LRP1B: variants seen among roughly 807,000 people sequenced by gnomAD.
LRP1B encodes LDL receptor related protein 1B.
LRP1B carries 217 observed loss-of-function variants against 556.6 expected under a neutral mutation model. The ratio of observed to expected loss-of-function variants is 0.39; its 90% CI spans 0.35 to 0.44. The LOEUF (loss-of-function observed/expected upper bound fraction) is 0.44, where lower values mean the gene tolerates loss of function less well. Among genes scored for constraint, LRP1B ranks in the 20% least tolerant of loss-of-function variants. The pLI is 1.00. For synonymous variants in LRP1B, 2,047 were observed against 1,865.8 expected (o/e 1.10, Z -2.50); for missense variants, 5,053 against 5,620.8 (o/e 0.90, Z 3.23).
At chr2:141,092,526 AG>A (rs1700194861) in intron 7 of LRP1B, among the ~76,000 whole-genome samples, 1 of 152,246 alleles carries the variant, frequency 6.6e-6, no homozygotes, top group Non-Finnish European at 1.5e-5. Context: ...AATCACCTAT[AG>A]CTGTTATTTA....
chr2:141,846,318 T>G (rs955774885), intron 1 of LRP1B, among the ~76,000 whole-genome samples: 4 of 151,598 alleles, frequency 2.6e-5, no homozygotes, highest in African/African-American at 7.3e-5. Context: ...ATATATATGA[T>G]AAATTAAAAA....
intron 2 of LRP1B, among the ~76,000 whole-genome samples, chr2:141,744,573 T>C (rs1423404999): frequency 6.6e-6 from 1 of 152,186 alleles, no homozygotes; most frequent in East Asian, 1.9e-4. Flanking sequence ...ATCTGTCCAA[T>C]GCTGAAAGTG....
At chr2:140,778,741 T>C (rs1559113616) in intron 32 of LRP1B, among the ~76,000 whole-genome samples, 1 of 152,180 alleles carries the variant, frequency 6.6e-6, no homozygotes, top group Non-Finnish European at 1.5e-5. Flanking sequence ...AAGAAGAATG[T>C]CTACAATCAT....
chr2:140,523,262 T>A (rs1690260680), intron 49 of LRP1B, among the ~76,000 whole-genome samples: 1 of 151,944 alleles, frequency 6.6e-6, no homozygotes, highest in Non-Finnish European at 1.5e-5. Context: ...TAAGTATGAT[T>A]CACTACATAA....
intron 84 of LRP1B, among the ~76,000 whole-genome samples, chr2:140,296,633 A>AAAT (rs34038489): frequency 0.9 from 136,907 of 151,988 alleles, 62,282 homozygotes; most frequent in Non-Finnish European, 0.96. Context: ...TGAAAAATTT[A>AAAT]AATATAGATA....
intron 35 of LRP1B, among the ~76,000 whole-genome samples, chr2:140,763,783 T>G (rs1410140160): frequency 6.6e-6 from 1 of 152,168 alleles, no homozygotes; most frequent in African/African-American, 2.4e-5. Flanking sequence ...CAGGTAGTAT[T>G]GATAAGTTTT....
intron 84 of LRP1B, among the ~76,000 whole-genome samples, chr2:140,286,875 C>T (rs952044274): frequency 3.3e-5 from 5 of 151,648 alleles, no homozygotes; most frequent in African/African-American, 1.2e-4. Context: ...TTACAATTTA[C>T]AGAAGACTTT....
At chr2:141,708,055 T>C (rs1692211606) in intron 2 of LRP1B, among the ~76,000 whole-genome samples, 2 of 152,106 alleles carry the variant, frequency 1.3e-5, no homozygotes, top group Non-Finnish European at 2.9e-5. Context: ...CTTTCAAAAC[T>C]CTGATGTTAA....
chr2:140,911,679 T>C (rs73964744), intron 21 of LRP1B, among the ~76,000 whole-genome samples: 6,679 of 151,858 alleles, frequency 0.044, 177 homozygotes, highest in Middle Eastern at 0.068. Flanking sequence ...AATATGACAT[T>C]CTATACTTAA....
intron 2 of LRP1B, among the ~76,000 whole-genome samples, chr2:141,757,457 T>C (rs771819846): frequency 2.6e-5 from 4 of 152,172 alleles, no homozygotes; most frequent in African/African-American, 4.8e-5. Flanking sequence ...GTTTGAGTAA[T>C]ACAAAATGAG....
At chr2:140,280,283 G>A (rs1309324359) in intron 84 of LRP1B, among the ~76,000 whole-genome samples, 1 of 151,508 alleles carries the variant, frequency 6.6e-6, no homozygotes, top group Non-Finnish European at 1.5e-5. Context: ...AAATAAAGTT[G>A]GAAATAGTGA....
intron 2 of LRP1B, among the ~76,000 whole-genome samples, chr2:141,523,171 C>T (rs886661231): frequency 7.3e-5 from 11 of 151,256 alleles, no homozygotes; most frequent in Admixed American, 7.2e-4. Flanking sequence ...TTTAAACATG[C>T]TCAGGGCATG....
At chr2:140,771,898 CTG>C (rs1307050693) in intron 33 of LRP1B, among the ~76,000 whole-genome samples, 7 of 152,180 alleles carry the variant, frequency 4.6e-5, no homozygotes, top group African/African-American at 1.7e-4. Context: ...CAATAGTTCT[CTG>C]TGGAAATTTC....
intron 7 of LRP1B, among the ~76,000 whole-genome samples, chr2:141,092,355 C>G (rs1391304568): frequency 6.6e-6 from 1 of 152,164 alleles, no homozygotes; most frequent in African/African-American, 2.4e-5. Flanking sequence ...TGGCTGACAT[C>G]ATGACAATGA....
chr2:141,298,292 A>G lies in LRP1B; in HGVS notation c.344-43651T>C, dbSNP rs564527198. Among the ~76,000 whole-genome samples the G allele has an allele frequency of 5.3e-4, 80 of 152,250 alleles. 1 individual carries two copies. The South Asian group carries it at 0.016, about 31-fold the overall frequency. The stretch of plus-strand genomic sequence containing the variant: ...TTGCCCATGGCTTTTGGGAGGTACT[A>G]TATGTCATGCCTGATAGGAATGTCT... On this transcript the variant is annotated intron_variant, in intron 3 of 90. Transcript: ENST00000389484.
chr2:141,144,604 T>C (rs1280146193), intron 7 of LRP1B, among the ~76,000 whole-genome samples: 1 of 152,198 alleles, frequency 6.6e-6, no homozygotes, highest in Non-Finnish European at 1.5e-5. Context: ...TTTATAACCA[T>C]ACACTTCATG....
chr2:140,945,693 CA>C (rs201318401), intron 20 of LRP1B, among the ~76,000 whole-genome samples: 72 of 149,436 alleles, frequency 4.8e-4, no homozygotes, highest in African/African-American at 1.7e-3. Context: ...TTACTATATA[CA>C]AAAAAAAATA....
intron 23 of LRP1B, among the ~76,000 whole-genome samples, chr2:140,896,535 G>A (rs1382490527): frequency 6.6e-6 from 1 of 152,190 alleles, no homozygotes; most frequent in Non-Finnish European, 1.5e-5. Flanking sequence ...AGGCTGAAGT[G>A]CAGTGGCATA....
chr2:140,813,464 TG>T (rs369145337), intron 32 of LRP1B, among the ~76,000 whole-genome samples, 192 bp downstream of exon 32: 1 of 152,316 alleles, frequency 6.6e-6, no homozygotes, highest in Non-Finnish European at 1.5e-5. Flanking sequence ...ACTAAGTTTC[TG>T]ATCTGGATAA....
Sources: gnomAD v4.1 joint callset for allele counts (sites outside exome capture counted in the v4.1 genomes callset) on GRCh38, gnomAD v4.1.1 for gene constraint, MANE v1.5 for transcripts, NCBI Gene and HGNC (gene_info 2026-07-23, HGNC 2026-07-21) for gene names.